Variants in MSR1 observed in about 807,000 individuals in gnomAD.
The protein encoded by MSR1 is macrophage scavenger receptor 1, also known as macrophage scavenger receptor types I and II.
A neutral mutation model predicts 47.2 loss-of-function variants in MSR1; 53 were observed. That is an observed-to-expected ratio of 1.12 (90% CI 0.90 to 1.41). The LOEUF is 1.41. MSR1 is among the 40% of genes most tolerant of loss of function. The pLI is 0.00. For missense variants in MSR1, 786 were observed against 546.9 expected (o/e 1.44, Z -4.36); for synonymous variants, 239 against 185.6 (o/e 1.29, Z -2.34).
chr8:16,173,792 G>A (rs1016028380), intron 3 of MSR1, among the ~76,000 whole-genome samples: 4 of 152,014 alleles, frequency 2.6e-5, no homozygotes, highest in African/African-American at 7.2e-5. Flanking sequence ...GGGACTACAG[G>A]CACCCGCCAC....
chr8:16,171,673 A>T (rs1801492013), intron 3 of MSR1, among the ~76,000 whole-genome samples: 1 of 152,232 alleles, frequency 6.6e-6, no homozygotes. Context: ...TTTGACTGTA[A>T]CAATGAGGAG....
At chr8:16,142,711 G>A (rs965612103) in intron 8 of MSR1, among the ~76,000 whole-genome samples, 1 of 152,050 alleles carries the variant, frequency 6.6e-6, no homozygotes, top group African/African-American at 2.4e-5. Flanking sequence ...TACATAAAAG[G>A]ATTTGCCATT....
Position 16,110,182 on chromosome 8 carries a change from A to C in MSR1, c.1259T>G (p.Phe420Cys). ...GPIWLNEVFC[F>C]GRESSIEECK... ...TTCTTCAATAGATGATTCTCTCCCA[A>C]AACAAAACACTTCATTCAGCCATAT... The change falls in exon 10 of 10, where the codon TTT becomes TGT. Residue 420 changes from phenylalanine to cysteine, a missense_variant. Coordinates refer to ENST00000262101, the MANE Select transcript of MSR1 (RefSeq NM_138715.3). 2 of 1,613,648 alleles carry C rather than the reference A, an allele frequency of 1.2e-6. No individual in the cohort carries two copies. The highest frequency in any genetic ancestry group is 1.7e-6 in the Non-Finnish European group (2 of 1,179,666).
intron 5 of MSR1, among the ~76,000 whole-genome samples, chr8:16,157,211 C>G (rs1016511128): frequency 1.3e-5 from 2 of 151,924 alleles, no homozygotes; most frequent in African/African-American, 4.8e-5. Context: ...GACTCTTAGC[C>G]TCTGAGATGG....
chr8:16,146,722 T>C (rs1205258068), intron 7 of MSR1, among the ~76,000 whole-genome samples: 2 of 152,172 alleles, frequency 1.3e-5, no homozygotes, highest in African/African-American at 4.8e-5. Context: ...AGCCTGTACT[T>C]CTGGAACTAC....
Position 16,120,867 on chromosome 8 carries a change from T to C in MSR1, c.1034-261A>G, listed in dbSNP as rs140652990. The C allele has an allele frequency of 6.2e-6, 3 of 483,472 alleles. No individual in the cohort carries two copies. In the Admixed American group the frequency reaches 1.1e-4, roughly 18 times the overall value. The allele number at this position is 483,472 out of a possible 1,614,324, so 29.9% of individuals were successfully genotyped here. A position where few individuals can be genotyped will look rare whatever the true frequency, so the allele number is the denominator to read the frequency against. On this transcript the variant is annotated intron_variant, in intron 8 of 9. Coordinates refer to ENST00000262101, the MANE Select transcript of MSR1 (RefSeq NM_138715.3). ...TGTAAGTTATATATACGAGGACACG[T>C]CACAGATTATATTCCAACGAGTTTG...
At chr8:16,133,219 G>T (rs1040244156) in intron 8 of MSR1, among the ~76,000 whole-genome samples, 4 of 152,178 alleles carry the variant, frequency 2.6e-5, no homozygotes, top group African/African-American at 9.6e-5. Context: ...TATAGGTGAT[G>T]ATACTAGCCA....
Position 16,168,568 on chromosome 8 carries a change from C to G in MSR1, c.520G>C (p.Asp174His), listed in dbSNP as rs72552387. 6.2e-7 allele frequency: 1 copy of G among 1,614,122 alleles called. No homozygotes were observed. Among genetic ancestry groups the G allele is most frequent in the Admixed American group, 1.7e-5 (1 of 60,022 alleles). Reference protein sequence around the residue: ...SSVQGHGNAIDEISKSLISLN... With the variant: ...SSVQGHGNAIHEISKSLISLN... ...CTTATTAAGGACTTGGAGATTTCAT[C>G]TATTGCATTCCCATGTCCCTGGACT... The change falls in exon 4 of 10, where the codon GAT becomes CAT. Residue 174 changes from aspartate to histidine, a missense_variant. Physicochemically the swap from Asp to His is moderately conservative, Grantham distance 81 (BLOSUM62 -1). Transcript: ENST00000262101.
At chr8:16,179,233 C>T (rs1801752209) in intron 1 of MSR1, among the ~76,000 whole-genome samples, 1 of 152,128 alleles carries the variant, frequency 6.6e-6, no homozygotes, top group South Asian at 2.1e-4. Context: ...ATGTCTGGAT[C>T]TGAATGATCT....
At chr8:16,169,025 G>A (rs1005505841) in intron 3 of MSR1, among the ~76,000 whole-genome samples, 155 bp from the exon 4 acceptor site, 1 of 151,418 alleles carries the variant, frequency 6.6e-6, no homozygotes, top group African/African-American at 2.4e-5. Flanking sequence ...AATCTACAAC[G>A]TGTGAACTAC....
At chr8:16,113,059 C>T (rs533726971) in intron 9 of MSR1, among the ~76,000 whole-genome samples, 1 of 150,182 alleles carries the variant, frequency 6.7e-6, no homozygotes, top group Admixed American at 6.7e-5. Flanking sequence ...AAATGATTCT[C>T]CTGCCTCAGC....
chr8:16,150,703 A>G (rs1800831402), intron 6 of MSR1, among the ~76,000 whole-genome samples: 1 of 152,072 alleles, frequency 6.6e-6, no homozygotes, highest in Non-Finnish European at 1.5e-5. Flanking sequence ...TTTGCCTTAG[A>G]AAAAAATGCA....
At chr8:16,176,844 T>G (rs772927278) in intron 2 of MSR1, among the ~76,000 whole-genome samples, 40 of 152,274 alleles carry the variant, frequency 2.6e-4, no homozygotes, top group Non-Finnish European at 5.0e-4. Context: ...CCATCCATCC[T>G]TTACACAGAG....
chr8:16,176,486 G>T (rs904356202), intron 2 of MSR1, among the ~76,000 whole-genome samples: 6 of 141,030 alleles, frequency 4.3e-5, no homozygotes, highest in Middle Eastern at 3.9e-3. Context: ...CAGCCTAGGT[G>T]AAAAAGTGAG....
chr8:16,142,330 AAAAC>A (rs570790504), intron 8 of MSR1, among the ~76,000 whole-genome samples: 112 of 152,246 alleles, frequency 7.4e-4, no homozygotes, highest in Non-Finnish European at 1.1e-3. Flanking sequence ...ACTCCATCTC[AAAAC>A]AAACAAACAA....
At position 16,112,942 on chromosome 8, in the gene MSR1, A is replaced by ATTT. The variant is rs1563136141; in HGVS notation, c.1223-2725_1223-2724insAAA. ...TGATATTGATTATATATTTTTTTTA[A>ATTT]GTTTTTTTTTTTTTTTTTTTTTGAG... On this transcript the variant is annotated intron_variant, in intron 9 of 9. Coordinates refer to ENST00000262101, the MANE Select transcript of MSR1 (RefSeq NM_138715.3). Among the ~76,000 whole-genome samples the ATTT allele has an allele frequency of 1.1e-3, 135 of 117,738 alleles. 1 individual carries two copies. Among genetic ancestry groups the ATTT allele is most frequent in the African/African-American group, 3.5e-3 (117 of 33,120 alleles). The allele number at this position is 117,738 out of a possible 152,430, so 77.2% of individuals were successfully genotyped here. A position where few individuals can be genotyped will look rare whatever the true frequency, so the allele number is the denominator to read the frequency against.
At chr8:16,164,614 G>C (rs1187992043) in intron 4 of MSR1, among the ~76,000 whole-genome samples, 9 of 151,884 alleles carry the variant, frequency 5.9e-5, no homozygotes, top group Non-Finnish European at 1.2e-4. Context: ...TACTTACAGT[G>C]GCAACATAGT....
At chr8:16,113,679 T>C (rs1212058161) in intron 9 of MSR1, among the ~76,000 whole-genome samples, 2 of 152,176 alleles carry the variant, frequency 1.3e-5, no homozygotes, top group African/African-American at 4.8e-5. Flanking sequence ...TTTTCCTCAA[T>C]TTTATGATAT....
chr8:16,114,402 A>C (rs1352392861), intron 9 of MSR1, among the ~76,000 whole-genome samples: 1 of 152,134 alleles, frequency 6.6e-6, no homozygotes, highest in African/African-American at 2.4e-5. Context: ...TCAGGAGAAG[A>C]AGCAATAGTT....
Sources: gnomAD v4.1 joint callset for allele counts (sites outside exome capture counted in the v4.1 genomes callset) on GRCh38, gnomAD v4.1.1 for gene constraint, MANE v1.5 for transcripts, NCBI Gene and HGNC (gene_info 2026-07-23, HGNC 2026-07-21) for gene names.